SMCO2: variants seen among roughly 807,000 people sequenced by gnomAD.
The protein encoded by SMCO2 is single-pass membrane protein with coiled-coil domains 2.
Under a neutral mutation model 29.5 loss-of-function variants are expected in SMCO2, and 25 were observed. That is an observed-to-expected ratio of 0.85 (90% CI 0.62 to 1.18). The LOEUF (loss-of-function observed/expected upper bound fraction) is 1.18. Among genes scored for constraint, SMCO2 ranks in the 50% most tolerant of loss-of-function variants. SMCO2 has a pLI of 0.00. For synonymous variants in SMCO2, 117 were observed against 123.3 expected, an observed-to-expected ratio of 0.95 and a Z score of 0.34; for missense variants, 348 against 344.5, an observed-to-expected ratio of 1.01 and a Z score of -0.08.
intron 7 of SMCO2, chr12:27,498,251 C>G (rs1399045041): frequency 3.7e-6 from 1 of 267,094 alleles, no homozygotes; most frequent in African/African-American, 2.3e-5. Context: ...TATTGCACAT[C>G]TGGCCAGTAT....
intron 2 of SMCO2, among the ~76,000 whole-genome samples, chr12:27,471,943 A>G (rs1226786116): frequency 6.6e-6 from 1 of 152,214 alleles, no homozygotes; most frequent in Non-Finnish European, 1.5e-5. Flanking sequence ...TTTCCAATAG[A>G]TATGCTGTGC....
the SMCO2 span, among the ~76,000 whole-genome samples, chr12:27,426,243 A>G: frequency 3.9e-5 from 6 of 152,234 alleles, no homozygotes; most frequent in African/African-American, 1.4e-4. Context: ...CATATGGGAA[A>G]TGTTGAAGCA....
the SMCO2 span, among the ~76,000 whole-genome samples, chr12:27,444,743 A>G: frequency 6.6e-6 from 1 of 152,342 alleles, no homozygotes; most frequent in South Asian, 2.1e-4. Flanking sequence ...TGCTGGGAGT[A>G]TAAGTTAGTA....
intron 5 of SMCO2, among the ~76,000 whole-genome samples, chr12:27,489,990 A>G (rs1013860952): frequency 6.6e-6 from 1 of 152,214 alleles, no homozygotes; most frequent in Non-Finnish European, 1.5e-5. Flanking sequence ...TTGGAATAAT[A>G]TGCAAGAGGA....
chr12:27,441,412 C>T, the SMCO2 span, among the ~76,000 whole-genome samples: 1 of 151,968 alleles, frequency 6.6e-6, no homozygotes, highest in African/African-American at 2.4e-5. Context: ...CAACTGGAAA[C>T]CAAAAACAAG....
At chr12:27,483,408 T>C (rs925455148) in intron 4 of SMCO2, among the ~76,000 whole-genome samples, 6 of 152,230 alleles carry the variant, frequency 3.9e-5, no homozygotes, top group Admixed American at 3.3e-4. Context: ...AATGATTTCT[T>C]TATCCTTCTC....
chr12:27,480,281 G>A (rs1030489938), intron 4 of SMCO2, among the ~76,000 whole-genome samples: 1 of 152,160 alleles, frequency 6.6e-6, no homozygotes, highest in African/African-American at 2.4e-5. Flanking sequence ...ACTGAGGGTG[G>A]GTCTTCCTCT....
chr12:27,467,999 G>A (rs971137890), intron 1 of SMCO2, among the ~76,000 whole-genome samples: 3 of 152,076 alleles, frequency 2.0e-5, no homozygotes, highest in African/African-American at 2.4e-5. Context: ...TAGATAGATC[G>A]ATAACATTGG....
At chr12:27,480,394 AGTAG>A (rs1949632093) in intron 4 of SMCO2, among the ~76,000 whole-genome samples, 1 of 152,198 alleles carries the variant, frequency 6.6e-6, no homozygotes, top group South Asian at 2.1e-4. Context: ...CACAGGTGCC[AGTAG>A]TGGCTAGTGG....
At chr12:27,435,573 T>C in the SMCO2 span, among the ~76,000 whole-genome samples, 1 of 148,866 alleles carries the variant, frequency 6.7e-6, no homozygotes, top group African/African-American at 2.5e-5. Context: ...CTCTCCTCTC[T>C]GTCTCTGTCT....
intron 4 of SMCO2, 86 bp downstream of exon 4, chr12:27,474,999 G>T (rs1441444719): frequency 1.4e-6 from 2 of 1,459,996 alleles, no homozygotes; most frequent in Non-Finnish European, 1.8e-6. Context: ...GGGAAAGTCT[G>T]GAAGATTTAA....
chr12:27,479,482 T>C (rs416692), intron 4 of SMCO2, among the ~76,000 whole-genome samples: 18,315 of 152,206 alleles, frequency 0.12, 2,128 homozygotes, highest in African/African-American at 0.28. Context: ...TCTAAAGAGA[T>C]AGCACCAATA....
intron 7 of SMCO2, among the ~76,000 whole-genome samples, chr12:27,499,669 C>T (rs544429917): frequency 1.3e-5 from 2 of 150,692 alleles, no homozygotes; most frequent in African/African-American, 2.5e-5. Context: ...TGTGTTATAT[C>T]GGAGGATTAT....
At chr12:27,486,622 T>C (rs1949691060) in intron 4 of SMCO2, among the ~76,000 whole-genome samples, 1 of 152,224 alleles carries the variant, frequency 6.6e-6, no homozygotes, top group Non-Finnish European at 1.5e-5. Flanking sequence ...TTTCCTTGTC[T>C]GCCTGCAAAT....
At chr12:27,492,687 T>A (rs1269156062) in intron 5 of SMCO2, among the ~76,000 whole-genome samples, 1 of 152,122 alleles carries the variant, frequency 6.6e-6, no homozygotes, top group Admixed American at 6.5e-5. Flanking sequence ...AAATAACAGA[T>A]GTTGGCCAGG....
At chr12:27,447,999 G>C in the SMCO2 span, among the ~76,000 whole-genome samples, 1 of 152,150 alleles carries the variant, frequency 6.6e-6, no homozygotes, top group African/African-American at 2.4e-5. Flanking sequence ...GCTCCGCAGG[G>C]ACAGGAACTG....
At chr12:27,458,157 CTT>C in the SMCO2 span, among the ~76,000 whole-genome samples, 1 of 152,064 alleles carries the variant, frequency 6.6e-6, no homozygotes, top group Admixed American at 6.5e-5. Context: ...CTAAATTTAA[CTT>C]AAGCGCATTA....
At chr12:27,472,294 C>T (rs184862192) in intron 2 of SMCO2, among the ~76,000 whole-genome samples, 1 of 152,160 alleles carries the variant, frequency 6.6e-6, no homozygotes, top group African/African-American at 2.4e-5. Context: ...ACATAAACAT[C>T]TCTGCTTATT....
chr12:27,494,429 T>A (rs1942971105), intron 6 of SMCO2, 73 bp downstream of exon 7: 1 of 971,170 alleles, frequency 1.0e-6, no homozygotes, highest in Non-Finnish European at 1.5e-6. Context: ...GGGTCATTCA[T>A]TGCCTAGAAT....
Sources: allele counts gnomAD v4.1 joint callset (sites outside exome capture counted in the v4.1 genomes callset), GRCh38; gene constraint gnomAD v4.1.1; transcripts MANE v1.5; gene names NCBI Gene and HGNC (gene_info 2026-07-23, HGNC 2026-07-21).